CACNA1S: variants seen among roughly 807,000 people sequenced by gnomAD.
CACNA1S encodes the protein voltage-dependent L-type calcium channel subunit alpha-1S.
Under a neutral mutation model 207.4 loss-of-function variants are expected in CACNA1S, and 126 were observed. That is an observed-to-expected ratio of 0.61 (90% confidence interval 0.53 to 0.70). The LOEUF is 0.70. Among genes scored for constraint, CACNA1S ranks in the 30% least tolerant of loss-of-function variants. CACNA1S has a pLI of 0.00. For synonymous variants in CACNA1S, 960 were observed against 932.7 expected, an observed-to-expected ratio of 1.03 and a Z score of -0.53; for missense variants, 2,349 against 2,422.8, an observed-to-expected ratio of 0.97 and a Z score of 0.64.
intron 10 of CACNA1S, among the ~76,000 whole-genome samples, chr1:201,081,891 T>A (rs1435621098): frequency 6.6e-6 from 1 of 152,180 alleles, no homozygotes; most frequent in Non-Finnish European, 1.5e-5. Context: ...TGCCCTCCCT[T>A]TGCCTTCCAT....
intron 38 of CACNA1S, among the ~76,000 whole-genome samples, chr1:201,046,425 C>T (rs1660470478): frequency 6.6e-6 from 1 of 152,182 alleles, no homozygotes; most frequent in African/African-American, 2.4e-5. Flanking sequence ...AAGTGATCCG[C>T]CCTTCTTGGC....
Position 201,112,426 on chromosome 1 carries a change from T to G in CACNA1S, c.-87A>C, listed in dbSNP as rs1018662191. 5 of 1,605,288 alleles carry G rather than the reference T, an allele frequency of 3.1e-6. No homozygotes were observed. The highest frequency in any genetic ancestry group is 4.2e-6 in the Non-Finnish European group (5 of 1,178,998). ...TCCCCAATGCCCCCGCCTTGGGGAC[T>G]AGGCTGGCTGAGGCTGTCGGCTGAG... On this transcript the variant is annotated 5_prime_UTR_variant, in exon 1 of 44. Coordinates refer to ENST00000362061, the MANE Select transcript of CACNA1S (RefSeq NM_000069.3).
In CACNA1S at chr1:201,077,840, G is replaced by C. The variant is rs375261862; in HGVS notation, c.1619+39C>G. 1.1e-3 allele frequency: 1,585 copies of C among 1,470,020 alleles called. 3 individuals carry two copies. Among genetic ancestry groups the C allele is most frequent in the Non-Finnish European group, 1.4e-3 (1,436 of 1,053,250 alleles). The allele number at this position is 1,470,020 out of a possible 1,614,324, so 91.1% of individuals were successfully genotyped here. A position where few individuals can be genotyped will look rare whatever the true frequency, so the allele number is the denominator to read the frequency against. On this transcript the variant is annotated intron_variant, in intron 11 of 43. Transcript: ENST00000362061. ...TAGACCAGACCAGCCCGTGGTGCCT[G>C]CCGGGGACCCGGGAGTGCCAGCCGA...
rs543078179 is a variant in CACNA1S, at chr1:201,069,045, T to C, written c.2550+92A>G. Reference sequence around the variant, plus strand: ...TTCCTGCCAGTCTCCACCTCTTTTCTGCTTCTCTCCAGCCCCTGAGTTCAG... The same window carrying C: ...TTCCTGCCAGTCTCCACCTCTTTTCCGCTTCTCTCCAGCCCCTGAGTTCAG... On this transcript the variant is annotated intron_variant, in intron 19 of 43. Coordinates refer to ENST00000362061, the MANE Select transcript of CACNA1S (RefSeq NM_000069.3). 13 of 1,143,736 alleles carry C rather than the reference T, an allele frequency of 1.1e-5. No homozygotes were observed. The South Asian group carries it at 1.6e-4, about 14-fold the overall frequency. 70.8% of individuals were successfully genotyped at this position (1,143,736 alleles called of 1,614,324 possible). A position where few individuals can be genotyped will look rare whatever the true frequency, so the allele number is the denominator to read the frequency against.
rs779478640 is a variant in CACNA1S at position 201,066,346 on chromosome 1, G to C, written c.2658-30C>G. 1.2e-5 allele frequency: 19 copies of C among 1,583,156 alleles called. No homozygotes were observed. The South Asian group carries it at 2.1e-4, about 17-fold the overall frequency. On this transcript the variant is annotated intron_variant, in intron 20 of 43. Transcript: ENST00000362061. The surrounding 1 kb of genome is among the most constrained non-coding windows in gnomAD (Gnocchi z 4.3). ...GGGGCGGCAATGGTGAGGGGGCTGA[G>C]GGCAGCCTGCTCCAGCCAGCCCAGT...
intron 35 of CACNA1S, 50 bp downstream of exon 35, chr1:201,048,953 A>G: frequency 7.0e-7 from 1 of 1,423,716 alleles, no homozygotes; most frequent in Non-Finnish European, 9.9e-7. Context: ...CCTCTGCCTC[A>G]GTGACTCTTC....
At position 201,106,801 on chromosome 1, in the gene CACNA1S, A is replaced by C. The variant is rs375863954; in HGVS notation, c.258+3363T>G. Reference sequence around the variant, plus strand: ...TCACTCAGACCCACCACCTCAACCCATAGTGGACATCCGGCACCCAAGGGT... The same window carrying C: ...TCACTCAGACCCACCACCTCAACCCCTAGTGGACATCCGGCACCCAAGGGT... On this transcript the variant is annotated intron_variant, in intron 2 of 43. Transcript: ENST00000362061. 8.5e-5 allele frequency among the ~76,000 whole-genome samples: 13 copies of C among 152,274 alleles called. No individual in the cohort carries two copies. In the East Asian group the frequency reaches 1.2e-3, roughly 14 times the overall value.
At chr1:201,051,730 A>T (rs1480147532) in intron 32 of CACNA1S, among the ~76,000 whole-genome samples, 1 of 152,190 alleles carries the variant, frequency 6.6e-6, no homozygotes, top group Non-Finnish European at 1.5e-5. Context: ...CTCTAGTCAC[A>T]TTCAGCCAGA....
At chr1:201,057,049 C>T (rs1343905066) in intron 28 of CACNA1S, among the ~76,000 whole-genome samples, 2 of 152,214 alleles carry the variant, frequency 1.3e-5, no homozygotes, top group Admixed American at 6.5e-5. Flanking sequence ...TTAGTTTGTT[C>T]GCAACACAGC....
rs1165331888 is a variant in CACNA1S at position 201,069,720 on chromosome 1, A to G, written c.2361-119T>C. 2.4e-6 allele frequency: 3 copies of G among 1,249,284 alleles called. No homozygotes were observed. The African/African-American group carries it at 4.5e-5, about 19-fold the overall frequency. The allele number at this position is 1,249,284 out of a possible 1,614,324, so 77.4% of individuals were successfully genotyped here. A position where few individuals can be genotyped will look rare whatever the true frequency, so the allele number is the denominator to read the frequency against. On this transcript the variant is annotated intron_variant, in intron 17 of 43. Transcript: ENST00000362061. ...CCTCCTGCTCCTCCCTGGCCAGGAG[A>G]GAAGTGCAGCCCTGCACCTGCAGGG... is the stretch of plus-strand genomic sequence containing the variant.
At chr1:201,090,204 C>T (rs183157094) in intron 5 of CACNA1S, among the ~76,000 whole-genome samples, 1 of 152,164 alleles carries the variant, frequency 6.6e-6, no homozygotes, top group Non-Finnish European at 1.5e-5. Context: ...TCTGTAGGGG[C>T]CCTGACCCCA....
intron 2 of CACNA1S, among the ~76,000 whole-genome samples, chr1:201,106,028 T>G (rs1662868559): frequency 6.6e-6 from 1 of 151,876 alleles, no homozygotes; most frequent in Non-Finnish European, 1.5e-5. Context: ...CACAGGCACC[T>G]GTATCACCAC....
chr1:201,048,555 G>A, intron 36 of CACNA1S, 27 bp downstream of exon 36: 4 of 1,524,946 alleles, frequency 2.6e-6, no homozygotes, highest in Middle Eastern at 1.7e-4. Flanking sequence ...GAGAAAGGAG[G>A]GGGCTCACAT....
intron 28 of CACNA1S, among the ~76,000 whole-genome samples, chr1:201,057,522 T>C (rs1660889885): frequency 6.6e-6 from 1 of 152,264 alleles, no homozygotes; most frequent in South Asian, 2.1e-4. Context: ...TTCACTGCTG[T>C]ATCTCAGGCA....
chr1:201,054,723 C>T (rs529174581), intron 28 of CACNA1S, among the ~76,000 whole-genome samples, 162 bp from the exon 29 acceptor site: 15 of 6,434 alleles, frequency 2.3e-3, no homozygotes, highest in Admixed American at 7.6e-3. Context: ...CAATCAGGGG[C>T]GGGGTGGGTG....
chr1:201,067,920 C>CCT (rs1661305447), intron 19 of CACNA1S, among the ~76,000 whole-genome samples: 1 of 152,184 alleles, frequency 6.6e-6, no homozygotes, highest in Non-Finnish European at 1.5e-5. Flanking sequence ...TGGGGCTCGG[C>CCT]TAGCTTCTCC....
At chr1:201,052,530 G>A (rs1450857300) in intron 32 of CACNA1S, 27 bp downstream of exon 32, 2 of 1,557,614 alleles carry the variant, frequency 1.3e-6, no homozygotes, top group African/African-American at 2.7e-5. Flanking sequence ...CAGCGGGGTA[G>A]GGGTGGGGGT....
chr1:201,070,210 T>A, intron 17 of CACNA1S, 62 bp downstream of exon 17: 1 of 1,591,868 alleles, frequency 6.3e-7, no homozygotes, highest in Non-Finnish European at 8.6e-7. Context: ...GGGTTTTTTC[T>A]AGGGCAGGGA....
At chr1:201,095,896 C>A (rs1662407251) in intron 2 of CACNA1S, among the ~76,000 whole-genome samples, 1 of 152,140 alleles carries the variant, frequency 6.6e-6, no homozygotes, top group African/African-American at 2.4e-5. Flanking sequence ...AGTGGTCTCC[C>A]CTCCTCTGTA....
Sources: gnomAD v4.1 joint callset for allele counts (sites outside exome capture counted in the v4.1 genomes callset) on GRCh38, gnomAD v4.1.1 for gene constraint, Gnocchi (gnomAD v3.1) non-coding constraint, MANE v1.5 for transcripts, NCBI Gene and HGNC (gene_info 2026-07-23, HGNC 2026-07-21) for gene names.